Variants in DACH1 observed in about 807,000 individuals in gnomAD.
DACH1 encodes the protein dachshund homolog 1.
In DACH1, 12 loss-of-function variants were observed where a neutral mutation model predicts 54.2. The ratio of observed to expected loss-of-function variants is 0.22; its 90% CI spans 0.14 to 0.36. DACH1 has a LOEUF of 0.36. Among genes scored for constraint, DACH1 ranks in the 10% least tolerant of loss-of-function variants. The pLI is 1.00. For missense variants in DACH1, 805 were observed against 929.8 expected (o/e 0.87, Z 1.75); for synonymous variants, 386 against 366.2 (o/e 1.05, Z -0.62).
chr13:71,690,019 T>G (rs1297705736), intron 1 of DACH1, among the ~76,000 whole-genome samples: 1 of 152,164 alleles, frequency 6.6e-6, no homozygotes. Context: ...AATGAATATA[T>G]TTTTGGAGCC....
intron 6 of DACH1, among the ~76,000 whole-genome samples, chr13:71,508,640 T>C (rs1310444298): frequency 1.3e-5 from 2 of 151,822 alleles, no homozygotes; most frequent in Non-Finnish European, 2.9e-5. Flanking sequence ...CTTTTTTTTT[T>C]AGTTTTTGTA....
chr13:71,769,774 T>A (rs554376264), intron 1 of DACH1, among the ~76,000 whole-genome samples: 19 of 151,770 alleles, frequency 1.3e-4, no homozygotes, highest in African/African-American at 4.6e-4. Flanking sequence ...CATAAAGAAA[T>A]CCTCCAGAAG....
chr13:71,479,861 G>A (rs1877883532), intron 7 of DACH1, among the ~76,000 whole-genome samples: 3 of 151,954 alleles, frequency 2.0e-5, no homozygotes, highest in African/African-American at 7.3e-5. Flanking sequence ...TTCCCTTCCT[G>A]AATGCTTTTC....
At chr13:71,618,094 T>C (rs1440998184) in intron 3 of DACH1, among the ~76,000 whole-genome samples, 2 of 152,118 alleles carry the variant, frequency 1.3e-5, no homozygotes, top group Non-Finnish European at 2.9e-5. Context: ...TAAACAAGGT[T>C]TGGAAGGGCA....
chr13:71,539,032 A>G (rs532539187), intron 6 of DACH1, among the ~76,000 whole-genome samples: 1 of 152,130 alleles, frequency 6.6e-6, no homozygotes, highest in Middle Eastern at 3.4e-3. Flanking sequence ...CTTTTGAATG[A>G]GATTTAAATG....
At chr13:71,731,955 A>G (rs1353653654) in intron 1 of DACH1, among the ~76,000 whole-genome samples, 2 of 152,206 alleles carry the variant, frequency 1.3e-5, no homozygotes, top group African/African-American at 2.4e-5. Context: ...AGAGTAGTCA[A>G]CTAAAATCTT....
At chr13:71,504,863 C>T (rs142835091) in intron 6 of DACH1, among the ~76,000 whole-genome samples, 1 of 152,238 alleles carries the variant, frequency 6.6e-6, no homozygotes, top group East Asian at 1.9e-4. Context: ...TCCTTAAGAA[C>T]AAGATGTCTC....
chr13:71,456,843 G>A (rs1430166009), intron 10 of DACH1, among the ~76,000 whole-genome samples: 1 of 152,004 alleles, frequency 6.6e-6, no homozygotes, highest in Non-Finnish European at 1.5e-5. Context: ...AAGCTGTATA[G>A]CCATCTGTAA....
chr13:71,601,330 CTT>C (rs528113251), intron 3 of DACH1, among the ~76,000 whole-genome samples: 89 of 152,098 alleles, frequency 5.9e-4, no homozygotes, highest in Admixed American at 3.0e-3. Flanking sequence ...AAAATATACT[CTT>C]ATATTACAGA....
chr13:71,630,456 A>G (rs951531341), intron 3 of DACH1, 100 bp downstream of exon 3: 10 of 1,436,680 alleles, frequency 7.0e-6, no homozygotes, highest in Non-Finnish European at 9.1e-6. Context: ...AAAAGTGCCA[A>G]CTTTTTGAAT....
intron 2 of DACH1, among the ~76,000 whole-genome samples, chr13:71,652,975 T>G (rs1156511144): frequency 6.6e-6 from 1 of 152,164 alleles, no homozygotes; most frequent in Non-Finnish European, 1.5e-5. Context: ...TTATCCAAAT[T>G]TGAGTCCTCC....
At chr13:71,586,412 G>T (rs1220080743) in intron 3 of DACH1, among the ~76,000 whole-genome samples, 1 of 152,062 alleles carries the variant, frequency 6.6e-6, no homozygotes, top group African/African-American at 2.4e-5. Context: ...CTTTAATATT[G>T]CAATTTCTAT....
chr13:71,712,296 T>A (rs1882757479), intron 1 of DACH1, among the ~76,000 whole-genome samples: 2 of 152,070 alleles, frequency 1.3e-5, no homozygotes, highest in Admixed American at 1.3e-4. Context: ...GAATATCAAT[T>A]CATATTAAAA....
intron 2 of DACH1, among the ~76,000 whole-genome samples, chr13:71,668,526 T>C (rs1298322451): frequency 6.6e-6 from 1 of 152,132 alleles, no homozygotes; most frequent in Non-Finnish European, 1.5e-5. Flanking sequence ...AAATTCTATA[T>C]ATAATAGACA....
intron 1 of DACH1, among the ~76,000 whole-genome samples, chr13:71,759,890 G>T (rs538745507): frequency 1.3e-5 from 2 of 152,248 alleles, no homozygotes; most frequent in East Asian, 3.9e-4. Context: ...CCCTTATGAG[G>T]CACTAGTGAG....
intron 1 of DACH1, among the ~76,000 whole-genome samples, chr13:71,850,467 C>T (rs916806745): frequency 6.6e-6 from 1 of 152,130 alleles, no homozygotes; most frequent in Non-Finnish European, 1.5e-5. Context: ...AGAGATATGA[C>T]CTGCTAATAG....
intron 10 of DACH1, among the ~76,000 whole-genome samples, chr13:71,459,892 C>T (rs1875922609): frequency 6.6e-6 from 1 of 151,966 alleles, no homozygotes; most frequent in Non-Finnish European, 1.5e-5. Flanking sequence ...CATAAAACTT[C>T]ACCCTTTTGT....
At chr13:71,710,766 A>G (rs1295911805) in intron 1 of DACH1, among the ~76,000 whole-genome samples, 1 of 152,192 alleles carries the variant, frequency 6.6e-6, no homozygotes, top group African/African-American at 2.4e-5. Context: ...AAATTCTTAC[A>G]TAAAATAGCA....
intron 1 of DACH1, among the ~76,000 whole-genome samples, chr13:71,781,168 T>C (rs1198004920): frequency 6.6e-6 from 1 of 151,832 alleles, no homozygotes; most frequent in African/African-American, 2.4e-5. Context: ...GCCTTCCCTT[T>C]GGTTCATTAG....
Sources: gnomAD v4.1 joint callset for allele counts (sites outside exome capture counted in the v4.1 genomes callset) on GRCh38, gnomAD v4.1.1 for gene constraint, MANE v1.5 for transcripts, NCBI Gene and HGNC (gene_info 2026-07-23, HGNC 2026-07-21) for gene names.